The following SH3D19 variants were observed in gnomAD, a reference collection of about 807,000 sequenced individuals.
The protein encoded by SH3D19 is SH3 domain-containing protein 19.
A neutral mutation model predicts 112.1 loss-of-function variants in SH3D19; 58 were observed. That is an observed-to-expected ratio of 0.52 (90% CI 0.42 to 0.64). SH3D19 has a LOEUF of 0.64. Among genes scored for constraint, SH3D19 ranks in the 30% least tolerant of loss-of-function variants. The pLI is 0.00. For missense variants in SH3D19, 1,090 were observed against 1,263.4 expected, an observed-to-expected ratio of 0.86 and a Z score of 2.08; for synonymous variants, 391 against 448.5, an observed-to-expected ratio of 0.87 and a Z score of 1.62.
chr4:151,324,254 CAAT>C lies in SH3D19; in HGVS notation c.112+984_112+986del, dbSNP rs530363638. Among the ~76,000 whole-genome samples, 642 of 152,294 alleles carry C rather than the reference CAAT, an allele frequency of 4.2e-3. 2 individuals are homozygous for C. The highest frequency in any genetic ancestry group is 7.1e-3 in the Non-Finnish European group (485 of 68,016). On this transcript the variant is annotated intron_variant, in intron 1 of 19. Coordinates refer to ENST00000604030, the MANE Select transcript of SH3D19 (RefSeq NM_001378122.1). Reference sequence around the variant, plus strand: ...ACCCTCCATTTGTTCCGCACAGATACAATATCTTCTCTATTTTTCCAACTTTCT... The same window carrying C: ...ACCCTCCATTTGTTCCGCACAGATACATCTTCTCTATTTTTCCAACTTTCT...
chr4:151,229,534 T>C (rs1164744716), intron 1 of SH3D19, among the ~76,000 whole-genome samples: 1 of 152,156 alleles, frequency 6.6e-6, no homozygotes, highest in East Asian at 1.9e-4. Context: ...CGCTCTTCCA[T>C]TCCCTGTCCC....
At chr4:151,291,660 C>T (rs1186558020) in intron 1 of SH3D19, among the ~76,000 whole-genome samples, 1 of 152,106 alleles carries the variant, frequency 6.6e-6, no homozygotes, top group African/African-American at 2.4e-5. Context: ...TTTGTAGACA[C>T]AAATTAAATA....
intron 1 of SH3D19, among the ~76,000 whole-genome samples, chr4:151,237,466 A>G (rs923852142): frequency 1.3e-5 from 2 of 152,224 alleles, no homozygotes; most frequent in African/African-American, 4.8e-5. Flanking sequence ...GTGGAAAATC[A>G]ATAAATATTT....
At chr4:151,304,211 A>G (rs1728727065) in intron 1 of SH3D19, among the ~76,000 whole-genome samples, 1 of 152,180 alleles carries the variant, frequency 6.6e-6, no homozygotes, top group Non-Finnish European at 1.5e-5. Flanking sequence ...CCAAAAGTCT[A>G]TCCCTCCATA....
chr4:151,319,492 T>C (rs1237278451), intron 1 of SH3D19, among the ~76,000 whole-genome samples: 4 of 152,256 alleles, frequency 2.6e-5, no homozygotes, highest in African/African-American at 9.6e-5. Context: ...AGTAAGCTGG[T>C]GGTCCAGAGA....
At chr4:151,291,308 T>A in intron 1 of SH3D19, 9 of 1,614,008 alleles carry the variant, frequency 5.6e-6, no homozygotes, top group Non-Finnish European at 7.6e-6. Context: ...TTGTTCCCTA[T>A]TGTCCTACTC....
chr4:151,255,329 T>A (rs190501514), intron 1 of SH3D19, among the ~76,000 whole-genome samples: 5 of 138,584 alleles, frequency 3.6e-5, no homozygotes, highest in South Asian at 2.4e-4. Flanking sequence ...CGGGCAGAGA[T>A]GCTCCTCACC....
At chr4:151,324,694 T>C (rs1256482791) in intron 1 of SH3D19, among the ~76,000 whole-genome samples, 2 of 149,256 alleles carry the variant, frequency 1.3e-5, no homozygotes, top group African/African-American at 4.9e-5. Flanking sequence ...TGCTATATTC[T>C]GGACTTCTCT....
At chr4:151,292,695 T>G (rs964969541) in intron 1 of SH3D19, among the ~76,000 whole-genome samples, 1 of 152,258 alleles carries the variant, frequency 6.6e-6, no homozygotes, top group African/African-American at 2.4e-5. Context: ...TTCATACTTC[T>G]TTAAGTCATC....
At chr4:151,222,218 T>C (rs1410541358) in intron 2 of SH3D19, among the ~76,000 whole-genome samples, 1 of 152,198 alleles carries the variant, frequency 6.6e-6, no homozygotes. Flanking sequence ...CCTCTGGGAC[T>C]CCCAGGAACA....
chr4:151,158,756 ATC>A, intron 9 of SH3D19, among the ~76,000 whole-genome samples: 1 of 152,100 alleles, frequency 6.6e-6, no homozygotes, highest in African/African-American at 2.4e-5. Flanking sequence ...ACTTTAAAAA[ATC>A]TCTTTGACCT....
At chr4:151,139,718 GA>G (rs1375107487) in intron 13 of SH3D19, 56 bp downstream of exon 13, 46 of 1,528,794 alleles carry the variant, frequency 3.0e-5, no homozygotes, top group Non-Finnish European at 4.1e-5. Flanking sequence ...CCCCGGCAGG[GA>G]AAAAGACTTA....
intron 1 of SH3D19, among the ~76,000 whole-genome samples, chr4:151,275,105 G>C: frequency 9.4e-6 from 1 of 106,898 alleles, no homozygotes; most frequent in Non-Finnish European, 2.2e-5. Context: ...TTTTTTTTTT[G>C]AGACGGAATC....
At chr4:151,308,245 C>G (rs140956106) in intron 1 of SH3D19, among the ~76,000 whole-genome samples, 1 of 152,206 alleles carries the variant, frequency 6.6e-6, no homozygotes, top group Non-Finnish European at 1.5e-5. Flanking sequence ...TCCTATTTGA[C>G]AGCTATGTAC....
chr4:151,176,340 T>C (rs1759959492), intron 6 of SH3D19, among the ~76,000 whole-genome samples, 194 bp downstream of exon 6: 1 of 152,236 alleles, frequency 6.6e-6, no homozygotes, highest in African/African-American at 2.4e-5. Flanking sequence ...AGATTGGGGC[T>C]GCAGTTTGTA....
chr4:151,138,448 C>A (rs935171332), intron 13 of SH3D19, among the ~76,000 whole-genome samples: 1 of 152,088 alleles, frequency 6.6e-6, no homozygotes, highest in South Asian at 2.1e-4. Flanking sequence ...CCTGTTATCT[C>A]AGCACTTTAA....
At chr4:151,205,661 G>A (rs1458054824) in intron 2 of SH3D19, among the ~76,000 whole-genome samples, 1 of 152,070 alleles carries the variant, frequency 6.6e-6, no homozygotes, top group South Asian at 2.1e-4. Flanking sequence ...CATTTAATAA[G>A]AATCAATTAC....
At chr4:151,216,748 A>T (rs921874240) in intron 2 of SH3D19, among the ~76,000 whole-genome samples, 2 of 152,222 alleles carry the variant, frequency 1.3e-5, no homozygotes, top group Non-Finnish European at 2.9e-5. Flanking sequence ...GTACTATGGC[A>T]GTGGTAGACC....
intron 1 of SH3D19, among the ~76,000 whole-genome samples, chr4:151,236,309 G>A (rs532609100): frequency 7.2e-4 from 109 of 152,380 alleles, no homozygotes; most frequent in African/African-American, 2.5e-3. Context: ...CGTGGGTTCC[G>A]CGGGCCCCGC....
Sources: allele counts gnomAD v4.1 joint callset (sites outside exome capture counted in the v4.1 genomes callset), GRCh38; gene constraint gnomAD v4.1.1; transcripts MANE v1.5; gene names NCBI Gene and HGNC (gene_info 2026-07-23, HGNC 2026-07-21).